The following CCDC25 variants were observed in gnomAD, a reference collection of about 807,000 sequenced individuals.
CCDC25 encodes coiled-coil domain-containing protein 25.
Under a neutral mutation model 35.3 loss-of-function variants are expected in CCDC25, and 16 were observed. That is an observed-to-expected ratio of 0.45 (90% confidence interval 0.31 to 0.69). The LOEUF (loss-of-function observed/expected upper bound fraction) is 0.69, where lower values mean the gene tolerates loss of function less well. Among genes scored for constraint, CCDC25 ranks in the 30% least tolerant of loss-of-function variants. The pLI is 0.06. For missense variants in CCDC25, 179 were observed against 250.7 expected (o/e 0.71, Z 1.93); for synonymous variants, 79 against 80.3 (o/e 0.98, Z 0.09).
rs1397070256 is a variant in CCDC25, at chr8:27,772,493, A to G, written c.28+20T>C. On this transcript the variant is annotated intron_variant, in intron 1 of 8. Coordinates refer to ENST00000356537, the MANE Select transcript of CCDC25 (RefSeq NM_018246.3). ...AGCCCGCTGTCCAGCAGGGTCCAGG[A>G]GGACGTGGCGCCCACTCACCGCTGC... 1.8e-5 allele frequency: 28 copies of G among 1,549,888 alleles called. No individual in the cohort carries two copies. Among genetic ancestry groups the G allele is most frequent in the Non-Finnish European group, 2.4e-5 (27 of 1,146,476 alleles).
Position 27,756,756 on chromosome 8 carries a change from T to C in CCDC25, c.131A>G (p.Lys44Arg), listed in dbSNP as rs1804020018. The C allele has an allele frequency of 3.7e-6, 6 of 1,612,700 alleles. No individual in the cohort carries two copies. Among genetic ancestry groups the C allele is most frequent in the South Asian group, 3.3e-5 (3 of 91,046 alleles). ...AAGGTATACATGAGCCGAAGAGAGTTTGTCCACATGAAACCTACAAAGAAT... is the reference window on the plus strand; with the variant it reads ...AAGGTATACATGAGCCGAAGAGAGTCTGTCCACATGAAACCTACAAAGAAT... ...WPEDIWFHVDKLSSAHVYLRL... is the reference protein window; with the variant it reads ...WPEDIWFHVDRLSSAHVYLRL... Residue 44 changes from lysine to arginine, a missense_variant, in exon 4 of 9, where the codon AAA becomes AGA. By Grantham distance (26) the Lys-to-Arg change is conservative (BLOSUM62 2). Transcript: ENST00000356537.
At chr8:27,742,713 A>G (rs553024756) in intron 7 of CCDC25, among the ~76,000 whole-genome samples, 56 of 152,282 alleles carry the variant, frequency 3.7e-4, no homozygotes, top group African/African-American at 1.3e-3. Flanking sequence ...GAAAATATAC[A>G]AAAATTAGCC....
intron 4 of CCDC25, among the ~76,000 whole-genome samples, chr8:27,753,526 C>T (rs766246782): frequency 1.3e-5 from 2 of 152,116 alleles, no homozygotes; most frequent in Non-Finnish European, 2.9e-5. Flanking sequence ...GCATGGGCAA[C>T]ACAGTGAGAT....
chr8:27,755,389 A>T lies in CCDC25; in HGVS notation c.168+1330T>A, dbSNP rs371601555. Among the ~76,000 whole-genome samples, 8 of 152,358 alleles carry T rather than the reference A, an allele frequency of 5.3e-5. No individual in the cohort carries two copies. The East Asian group carries it at 5.8e-4, about 11-fold the overall frequency. ...TAACCTGGTTACAGAACATATCTCA[A>T]AGGATAAAATAAACGCAGGAGTCTA... On this transcript the variant is annotated intron_variant, in intron 4 of 8. Transcript: ENST00000356537.
At chr8:27,742,122 T>A (rs1803460394) in intron 7 of CCDC25, among the ~76,000 whole-genome samples, 1 of 152,196 alleles carries the variant, frequency 6.6e-6, no homozygotes, top group Non-Finnish European at 1.5e-5. Flanking sequence ...AAAGAAGATG[T>A]GCCTGGTTTG....
Position 27,740,196 on chromosome 8 carries a change from A to G in CCDC25, c.597+276T>C, listed in dbSNP as rs143575985. On this transcript the variant is annotated intron_variant, in intron 8 of 8. Coordinates refer to ENST00000356537, the MANE Select transcript of CCDC25 (RefSeq NM_018246.3). ...AGAAAAGAGGGGAAATAAAGAATAA[A>G]GTCCTGTAAATATAAAATGAATAGA... Among the ~76,000 whole-genome samples, 215 of 152,332 alleles carry G rather than the reference A, an allele frequency of 1.4e-3. 3 individuals are homozygous for G. In the East Asian group the frequency reaches 0.029, roughly 21 times the overall value.
At chr8:27,761,330 A>G (rs1468941777) in intron 3 of CCDC25, among the ~76,000 whole-genome samples, 1 of 152,226 alleles carries the variant, frequency 6.6e-6, no homozygotes. Flanking sequence ...ACTTAGAACC[A>G]GAGCCAGAGC....
chr8:27,737,777 C>T lies in CCDC25; in HGVS notation c.598-1532G>A, dbSNP rs1459217231. Among the ~76,000 whole-genome samples the T allele has an allele frequency of 1.3e-5, 2 of 152,128 alleles. No individual in the cohort carries two copies. The highest frequency in any genetic ancestry group is 2.9e-5 in the Non-Finnish European group (2 of 68,016). On this transcript the variant is annotated intron_variant, in intron 8 of 8. Transcript: ENST00000356537. This position sits in a 1 kb window ranked among gnomAD's most constrained non-coding sequence, Gnocchi z 4.6. Reference sequence around the variant, plus strand: ...ATTATTCAAAAAAGATACTTGCACACACATGTTTACAGTGGCACAATTCAC... The same window carrying T: ...ATTATTCAAAAAAGATACTTGCACATACATGTTTACAGTGGCACAATTCAC...
intron 4 of CCDC25, 188 bp downstream of exon 4, chr8:27,756,531 A>G (rs955045142): frequency 1.6e-4 from 89 of 572,214 alleles, no homozygotes; most frequent in African/African-American, 1.2e-3. Flanking sequence ...GCCTCCTTCT[A>G]TATCTCAAAA....
At position 27,756,341 on chromosome 8, in the gene CCDC25, T is replaced by C. The variant is rs41519146; in HGVS notation, c.168+378A>G. 1,179 of 167,716 alleles carry C rather than the reference T, an allele frequency of 7.0e-3. 13 individuals are homozygous for C. Among genetic ancestry groups the C allele is most frequent in the African/African-American group, 0.026 (1,086 of 42,020 alleles). 10.4% of individuals were successfully genotyped at this position (167,716 alleles called of 1,614,324 possible). A position where few individuals can be genotyped will look rare whatever the true frequency, so the allele number is the denominator to read the frequency against. On this transcript the variant is annotated intron_variant, in intron 4 of 8. Coordinates refer to ENST00000356537, the MANE Select transcript of CCDC25 (RefSeq NM_018246.3). ...ACTTCCTAAAGAAGCCCATGATAACTGGGAACACGGGCCCTTCACTGAGGC... is the reference window on the plus strand; with the variant it reads ...ACTTCCTAAAGAAGCCCATGATAACCGGGAACACGGGCCCTTCACTGAGGC...
chr8:27,758,439 G>A (rs780955402), intron 3 of CCDC25, among the ~76,000 whole-genome samples: 9 of 152,196 alleles, frequency 5.9e-5, no homozygotes, highest in Non-Finnish European at 1.0e-4. Flanking sequence ...AATCATTAGT[G>A]ATAGCCAGAA....
intron 8 of CCDC25, 31 bp downstream of exon 8, chr8:27,740,441 G>A (rs1162770558): frequency 6.3e-7 from 1 of 1,594,920 alleles, no homozygotes; most frequent in Admixed American, 1.7e-5. Flanking sequence ...TTATTTCAAG[G>A]CAAACATTCA....
rs778559077 is a variant in CCDC25 at position 27,748,629 on chromosome 8, G to A, written c.245-31C>T. On this transcript the variant is annotated intron_variant, in intron 5 of 8. Transcript: ENST00000356537. ...AAGAGAGACTGTCTTCAACATGCAG[G>A]CAGGATGAGACTGAGCAATGTGTTC... The A allele has an allele frequency of 2.7e-6, 4 of 1,504,850 alleles. No individual in the cohort carries two copies. The South Asian group carries it at 4.5e-5, about 17-fold the overall frequency. The allele number at this position is 1,504,850 out of a possible 1,614,324, so 93.2% of individuals were successfully genotyped here. A position where few individuals can be genotyped will look rare whatever the true frequency, so the allele number is the denominator to read the frequency against.
intron 1 of CCDC25, among the ~76,000 whole-genome samples, chr8:27,768,340 G>A (rs970291412): frequency 6.6e-6 from 1 of 152,118 alleles, no homozygotes; most frequent in African/African-American, 2.4e-5. Flanking sequence ...TGAAGCGGGA[G>A]GATCACTTGA....
intron 5 of CCDC25, among the ~76,000 whole-genome samples, chr8:27,749,423 C>T (rs557620858): frequency 3.3e-5 from 5 of 152,320 alleles, no homozygotes; most frequent in African/African-American, 1.2e-4. Flanking sequence ...AAAAATGGCA[C>T]AAAATGACAT....
At chr8:27,756,161 T>G (rs2128942454) in intron 4 of CCDC25, 1 of 152,320 alleles carries the variant, frequency 6.6e-6, no homozygotes, top group African/African-American at 2.4e-5. Context: ...AAGTTGAAAG[T>G]TTATCAAAAA....
At chr8:27,768,564 CA>C (rs368194540) in intron 1 of CCDC25, among the ~76,000 whole-genome samples, 1,580 of 106,560 alleles carry the variant, frequency 0.015, 17 homozygotes, top group African/African-American at 0.05. Flanking sequence ...GACTCCATCT[CA>C]AAAAAAAAAA....
At chr8:27,747,307 A>G (rs757082335) in intron 7 of CCDC25, among the ~76,000 whole-genome samples, 140 of 152,024 alleles carry the variant, frequency 9.2e-4, no homozygotes, top group Non-Finnish European at 1.6e-3. Flanking sequence ...GTGGTCAGAC[A>G]GGGGGCTGTG....
chr8:27,761,944 C>T (rs578160015), intron 3 of CCDC25, among the ~76,000 whole-genome samples: 3 of 152,054 alleles, frequency 2.0e-5, no homozygotes, highest in Non-Finnish European at 4.4e-5. Context: ...AGAAAGAAGG[C>T]GTCGGGGTTG....
Sources: allele counts gnomAD v4.1 joint callset (sites outside exome capture counted in the v4.1 genomes callset), GRCh38; gene constraint gnomAD v4.1.1; non-coding constraint Gnocchi (gnomAD v3.1); transcripts MANE v1.5; gene names NCBI Gene and HGNC (gene_info 2026-07-23, HGNC 2026-07-21).